C10orf88: variants seen among roughly 807,000 people sequenced by gnomAD.
C10orf88 encodes chromosome 10 open reading frame 88.
C10orf88 carries 29 observed loss-of-function variants against 34.2 expected under a neutral mutation model. The ratio of observed to expected loss-of-function variants is 0.85; its 90% CI spans 0.63 to 1.16. The LOEUF (loss-of-function observed/expected upper bound fraction) is 1.16. Ranked by LOEUF, C10orf88 falls within the 50% of genes most tolerant of loss-of-function variation. The pLI is 0.00. For synonymous variants in C10orf88, 194 were observed against 197.4 expected (o/e 0.98, Z 0.15); for missense variants, 507 against 533.2 (o/e 0.95, Z 0.48).
chr10:122,938,055 C>G lies in C10orf88; in HGVS notation c.753G>C (p.Lys251Asn), dbSNP rs1246069433. The stretch of plus-strand genomic sequence containing the variant: ...TAAAAGGAAAAGGTGTGGAGGACGA[C>G]TTGTTTAAGGTTCCTAAGGTAGATG... ...QSSSTLGTLN[K>N]SSSTPFPFRT... The change falls in exon 5 of 6, where the codon AAG (lysine) becomes AAC (asparagine). Residue 251 changes from lysine to asparagine, a missense_variant. Lys to Asn is a moderately conservative substitution (Grantham distance 94). Transcript: ENST00000481909. 1 of 1,613,324 alleles carries G rather than the reference C, an allele frequency of 6.2e-7. No individual in the cohort carries two copies. Among genetic ancestry groups the G allele is most frequent in the East Asian group, 2.2e-5 (1 of 44,852 alleles).
At chr10:122,937,665 C>T (rs746837110) in intron 5 of C10orf88, 40 bp downstream of exon 5, 19 of 1,477,074 alleles carry the variant, frequency 1.3e-5, no homozygotes, top group Non-Finnish European at 1.6e-5. Flanking sequence ...ATTCTTCCAC[C>T]TACCAAATCG....
At chr10:122,935,561 C>G in intron 5 of C10orf88, among the ~76,000 whole-genome samples, 1 of 151,852 alleles carries the variant, frequency 6.6e-6, no homozygotes, top group Non-Finnish European at 1.5e-5. Context: ...AGTGATTTCT[C>G]TTACACTTTT....
intron 3 of C10orf88, among the ~76,000 whole-genome samples, chr10:122,949,928 G>A (rs375976751): frequency 1.3e-5 from 2 of 152,158 alleles, no homozygotes; most frequent in Non-Finnish European, 2.9e-5. Flanking sequence ...TGACTTCAAG[G>A]GTGATTTTTC....
Position 122,938,083 on chromosome 10 carries a change from G to T in C10orf88, c.725C>A (p.Ser242Tyr). The T allele has an allele frequency of 6.2e-7, 1 of 1,613,106 alleles. No individual in the cohort carries two copies. Among genetic ancestry groups the T allele is most frequent in the Non-Finnish European group, 8.5e-7 (1 of 1,179,334 alleles). Residue 242 changes from serine to tyrosine, a missense_variant, in exon 5 of 6, where the codon TCC (serine) becomes TAC (tyrosine). Transcript: ENST00000481909. ...SGYKHMIGLQ[S>Y]SSTLGTLNKS... ...GTTTAAGGTTCCTAAGGTAGATGAG[G>T]ATTGTAGTCCAATCATATGCTTGTA...
At chr10:122,947,734 C>T (rs985811193) in intron 4 of C10orf88, among the ~76,000 whole-genome samples, 5 of 152,182 alleles carry the variant, frequency 3.3e-5, no homozygotes, top group African/African-American at 1.2e-4. Flanking sequence ...CCTTTTTCCT[C>T]CAAGCATCCT....
rs755792542 is a variant in C10orf88, at chr10:122,954,133, G to C, written c.46C>G (p.Leu16Val). The C allele has an allele frequency of 6.3e-7, 1 of 1,586,482 alleles. No homozygotes were observed. The highest frequency in any genetic ancestry group is 1.1e-5 in the South Asian group (1 of 87,958). Residue 16 changes from leucine to valine, a missense_variant, in exon 1 of 6, where the codon CTG (leucine) becomes GTG (valine). Coordinates refer to ENST00000481909, the MANE Select transcript of C10orf88 (RefSeq NM_024942.4). The stretch of plus-strand genomic sequence containing the variant: ...CCTGCAACATCCCAAGAAGAGGCCA[G>C]CGTGGGGCGGCGGGTGAGGCCCCCG... Reference protein sequence around the residue: ...EDGGLTRRPTLASSWDVAGGA... With the variant: ...EDGGLTRRPTVASSWDVAGGA...
At position 122,943,054 on chromosome 10, in the gene C10orf88, C is replaced by T. The variant is rs373919342; in HGVS notation, c.649-4895G>A. ...AGTTCATATGGAACCAAAAAAGAGC[C>T]CGCATCGCCAAGTCAATCCTAAGCC... On this transcript the variant is annotated intron_variant, in intron 4 of 5. Coordinates refer to ENST00000481909, the MANE Select transcript of C10orf88 (RefSeq NM_024942.4). Among the ~76,000 whole-genome samples the T allele has an allele frequency of 3.4e-4, 51 of 151,876 alleles. No individual in the cohort carries two copies. The East Asian group carries it at 5.2e-3, about 16-fold the overall frequency.
chr10:122,952,804 A>C (rs1848702906), intron 2 of C10orf88, 25 bp downstream of exon 2: 1 of 1,611,758 alleles, frequency 6.2e-7, no homozygotes, highest in African/African-American at 1.3e-5. Flanking sequence ...TCAGAAGAAC[A>C]CTTTCCCGTG....
At chr10:122,934,628 T>C (rs1214967110) in intron 5 of C10orf88, among the ~76,000 whole-genome samples, 1 of 152,172 alleles carries the variant, frequency 6.6e-6, no homozygotes, top group African/African-American at 2.4e-5. Flanking sequence ...TTAATAACTG[T>C]GTACAAGTTT....
rs1286851316 is a variant in C10orf88 at position 122,932,572 on chromosome 10, T to A, written c.1193A>T (p.Asp398Val). The change falls in exon 6 of 6, where the codon GAT becomes GTT. Residue 398 changes from aspartate to valine, a missense_variant. Coordinates refer to ENST00000481909, the MANE Select transcript of C10orf88 (RefSeq NM_024942.4). ...CTCCTGGAGTTCATGTATTCGCTGA[T>A]CAATGTAATCCATAAGTTTCTTTTC... Reference protein sequence around the residue: ...LMEKKLMDYIDQRIHELQEHI... With the variant: ...LMEKKLMDYIVQRIHELQEHI... 2 of 1,613,842 alleles carry A rather than the reference T, an allele frequency of 1.2e-6. No individual in the cohort carries two copies. Among genetic ancestry groups the A allele is most frequent in the African/African-American group, 2.7e-5 (2 of 74,922 alleles).
rs753637523 is a variant in C10orf88 at position 122,938,006 on chromosome 10, C to A, written c.802G>T (p.Val268Leu). ...PFRTGLTSGN[V>L]TENLQTYIDK... ...ATGTAAGTTTGTAAGTTTTCAGTCA[C>A]GTTCCCAGATGTCAATCCAGTTCTA... Residue 268 changes from valine to leucine, a missense_variant, in exon 5 of 6, where the codon GTG becomes TTG. Transcript: ENST00000481909. 1.2e-6 allele frequency: 2 copies of A among 1,613,200 alleles called. No homozygotes were observed. Among genetic ancestry groups the A allele is most frequent in the African/African-American group, 2.7e-5 (2 of 74,858 alleles).
At chr10:122,948,606 G>T in intron 4 of C10orf88, 43 bp downstream of exon 4, 1 of 1,565,204 alleles carries the variant, frequency 6.4e-7, no homozygotes, top group South Asian at 1.1e-5. Context: ...CAATGGTTTT[G>T]AAATCATTAA....
intron 2 of C10orf88, among the ~76,000 whole-genome samples, chr10:122,952,506 GAC>G (rs1848699512): frequency 6.6e-6 from 1 of 152,232 alleles, no homozygotes; most frequent in Admixed American, 6.5e-5. Flanking sequence ...ACTTTCGGAA[GAC>G]AGACTGCTGT....
At position 122,954,071 on chromosome 10, in the gene C10orf88, G is replaced by A; in HGVS notation, c.108C>T (p.Ala36=). The change falls in exon 1 of 6, where the codon GCC becomes GCT. Residue 36 remains alanine, a synonymous_variant. Transcript: ENST00000481909. ...ALTHSLLLTR[A]GLGPGDFDWE... ...AGTCGAAGTCACCGGGGCCGAGACCGGCCCGGGTGAGGAGGAGGCTGTGGG... is the reference window on the plus strand; with the variant it reads ...AGTCGAAGTCACCGGGGCCGAGACCAGCCCGGGTGAGGAGGAGGCTGTGGG... 6.4e-7 allele frequency: 1 copy of A among 1,556,056 alleles called. No homozygotes were observed. The highest frequency in any genetic ancestry group is 8.7e-7 in the Non-Finnish European group (1 of 1,153,898).
intron 3 of C10orf88, among the ~76,000 whole-genome samples, chr10:122,950,338 C>T (rs1017298138): frequency 1.1e-4 from 17 of 152,132 alleles, no homozygotes; most frequent in African/African-American, 4.1e-4. Context: ...TATACTATTG[C>T]CTCAGAACAA....
chr10:122,937,107 A>G (rs1848540450), intron 5 of C10orf88, among the ~76,000 whole-genome samples: 1 of 152,028 alleles, frequency 6.6e-6, no homozygotes, highest in Admixed American at 6.6e-5. Flanking sequence ...AACCACACCT[A>G]GAGTCCTGAA....
At chr10:122,947,573 C>T (rs1046126256) in intron 4 of C10orf88, among the ~76,000 whole-genome samples, 2 of 152,250 alleles carry the variant, frequency 1.3e-5, no homozygotes, top group African/African-American at 2.4e-5. Flanking sequence ...CACCACCCTC[C>T]GTCAGCTACT....
chr10:122,933,624 G>A (rs1848506378), intron 5 of C10orf88, among the ~76,000 whole-genome samples: 1 of 152,130 alleles, frequency 6.6e-6, no homozygotes, highest in Non-Finnish European at 1.5e-5. Flanking sequence ...CAAAATCTAT[G>A]TTATTGCCCT....
At chr10:122,949,560 T>C (rs958099111) in intron 3 of C10orf88, among the ~76,000 whole-genome samples, 13 of 152,244 alleles carry the variant, frequency 8.5e-5, no homozygotes, top group Middle Eastern at 3.2e-3. Flanking sequence ...GGATGATTCA[T>C]GTTCCAGACA....
Sources: gnomAD v4.1 joint callset for allele counts (sites outside exome capture counted in the v4.1 genomes callset) on GRCh38, gnomAD v4.1.1 for gene constraint, MANE v1.5 for transcripts, NCBI Gene and HGNC (gene_info 2026-07-23, HGNC 2026-07-21) for gene names.